Variants in UBE3C observed in about 807,000 individuals in gnomAD.
UBE3C encodes ubiquitin protein ligase E3C, also known as ubiquitin-protein ligase E3C.
UBE3C carries 42 observed loss-of-function variants against 129.4 expected under a neutral mutation model. The ratio of observed to expected loss-of-function variants is 0.32; its 90% CI spans 0.25 to 0.42. The LOEUF is 0.42. UBE3C is among the 10% of genes least tolerant of loss of function. The pLI is 1.00. For synonymous variants in UBE3C, 510 were observed against 492.4 expected, an observed-to-expected ratio of 1.04 and a Z score of -0.47; for missense variants, 1,049 against 1,319.1, an observed-to-expected ratio of 0.80 and a Z score of 3.17.
At chr7:157,236,833 G>A (rs1229235427) in intron 18 of UBE3C, among the ~76,000 whole-genome samples, 1 of 151,916 alleles carries the variant, frequency 6.6e-6, no homozygotes, top group African/African-American at 2.4e-5. Flanking sequence ...CCGGGTTCAA[G>A]CGATTCTCCT....
chr7:157,202,955 A>G (rs1164890712), intron 11 of UBE3C, among the ~76,000 whole-genome samples: 1 of 152,264 alleles, frequency 6.6e-6, no homozygotes, highest in Admixed American at 6.5e-5. Flanking sequence ...TATCTAAAAT[A>G]TAAACACACT....
At chr7:157,143,258 G>GTAT (rs1042979346) in intron 1 of UBE3C, among the ~76,000 whole-genome samples, 1 of 152,046 alleles carries the variant, frequency 6.6e-6, no homozygotes, top group Non-Finnish European at 1.5e-5. Context: ...TTAATTGGGG[G>GTAT]TATGTTTTTC....
intron 16 of UBE3C, among the ~76,000 whole-genome samples, chr7:157,224,368 G>C (rs965993870): frequency 4.0e-5 from 6 of 151,798 alleles, no homozygotes; most frequent in African/African-American, 1.2e-4. Context: ...CTAATTTTTT[G>C]TATTTTCAGT....
At chr7:157,226,339 G>T (rs1055836097) in intron 17 of UBE3C, among the ~76,000 whole-genome samples, 1 of 152,080 alleles carries the variant, frequency 6.6e-6, no homozygotes, top group Non-Finnish European at 1.5e-5. Flanking sequence ...ACGTTTCGTC[G>T]TATGTTCATA....
chr7:157,208,128 G>T (rs1437835988), intron 13 of UBE3C, among the ~76,000 whole-genome samples, 193 bp downstream of exon 13: 2 of 126,476 alleles, frequency 1.6e-5, no homozygotes, highest in Non-Finnish European at 3.2e-5. Flanking sequence ...AGGCTGGAGT[G>T]CAATGACACC....
rs1027955238 is a variant in UBE3C, at chr7:157,192,551, A to G, written c.1331+5530A>G. 4 of 764,936 alleles carry G rather than the reference A, an allele frequency of 5.2e-6. No individual in the cohort carries two copies. In the African/African-American group the frequency reaches 6.8e-5, roughly 13 times the overall value. The allele number at this position is 764,936 out of a possible 1,614,324, so 47.4% of individuals were successfully genotyped here. ...ATGTACTGTCTGACTACAACATTCA[A>G]AAGGAGCTTACTCTTCATCTTGTGT... is the stretch of plus-strand genomic sequence containing the variant. On this transcript the variant is annotated intron_variant, in intron 10 of 22. Coordinates refer to ENST00000348165, the MANE Select transcript of UBE3C (RefSeq NM_014671.3).
At chr7:157,179,662 G>A (rs1212521467) in intron 6 of UBE3C, among the ~76,000 whole-genome samples, 1 of 152,156 alleles carries the variant, frequency 6.6e-6, no homozygotes, top group Non-Finnish European at 1.5e-5. Context: ...AGTTGTGAAG[G>A]GAGGTCTGGA....
chr7:157,244,899 C>G (rs932130077), intron 18 of UBE3C, among the ~76,000 whole-genome samples: 1 of 152,128 alleles, frequency 6.6e-6, no homozygotes, highest in African/African-American at 2.4e-5. Context: ...CTTCTAGGAA[C>G]AAGCGTGGTA....
intron 1 of UBE3C, among the ~76,000 whole-genome samples, chr7:157,151,121 C>T (rs767462728): frequency 6.6e-6 from 1 of 152,148 alleles, no homozygotes; most frequent in African/African-American, 2.4e-5. Context: ...TGAGGGGAGT[C>T]GGGCTCCACC....
chr7:157,142,505 A>G (rs779474889), intron 1 of UBE3C, among the ~76,000 whole-genome samples: 1 of 152,150 alleles, frequency 6.6e-6, no homozygotes, highest in African/African-American at 2.4e-5. Context: ...AATTGTTTGG[A>G]GCTTAGTCCT....
chr7:157,240,094 G>T (rs10280094), intron 18 of UBE3C, among the ~76,000 whole-genome samples: 25,993 of 151,730 alleles, frequency 0.17, 2,466 homozygotes, highest in East Asian at 0.35. Flanking sequence ...GTTTTTTGGG[G>T]TTTTTTGAGA....
intron 11 of UBE3C, among the ~76,000 whole-genome samples, chr7:157,202,375 G>A (rs770738597): frequency 5.4e-4 from 82 of 152,266 alleles, no homozygotes; most frequent in Non-Finnish European, 9.0e-4. Context: ...AGTCTAAGCC[G>A]GCCGGGCGCG....
chr7:157,161,012 C>T (rs553135342), intron 1 of UBE3C, among the ~76,000 whole-genome samples: 2 of 152,208 alleles, frequency 1.3e-5, no homozygotes, highest in East Asian at 1.9e-4. Flanking sequence ...GCATCCAGGA[C>T]ATGAAAGATG....
intron 5 of UBE3C, 103 bp downstream of exon 5, chr7:157,175,137 CTT>C (rs56852731): frequency 0.039 from 9,634 of 248,540 alleles, no homozygotes; most frequent in Middle Eastern, 0.056. Context: ...CTTTTCCATA[CTT>C]TTTTTTTTTT....
intron 19 of UBE3C, among the ~76,000 whole-genome samples, chr7:157,252,751 G>A (rs1796649747): frequency 6.6e-6 from 1 of 152,230 alleles, no homozygotes; most frequent in African/African-American, 2.4e-5. Flanking sequence ...AAAGCTACCA[G>A]GAAAACTGAA....
chr7:157,261,796 A>G (rs1005203978), intron 22 of UBE3C, among the ~76,000 whole-genome samples: 7 of 152,240 alleles, frequency 4.6e-5, no homozygotes, highest in African/African-American at 1.4e-4. Context: ...CAGACAAAAA[A>G]TCATTAAAGT....
In UBE3C at chr7:157,139,156, G is replaced by T. The variant is rs1376808433; in HGVS notation, c.-117G>T. On this transcript the variant is annotated 5_prime_UTR_variant, in exon 1 of 23. Coordinates refer to ENST00000348165, the MANE Select transcript of UBE3C (RefSeq NM_014671.3). ...GCTCGGGTCGCCTCCCGGCCGCCGC[G>T]TCCTCGCTGCCCCGGGCCGGGCGGG... 2 of 667,210 alleles carry T rather than the reference G, an allele frequency of 3.0e-6. No homozygotes were observed. Among genetic ancestry groups the T allele is most frequent in the Non-Finnish European group, 3.8e-6 (2 of 533,164 alleles). The allele number at this position is 667,210 out of a possible 1,614,324, so 41.3% of individuals were successfully genotyped here. A position where few individuals can be genotyped will look rare whatever the true frequency, so the allele number is the denominator to read the frequency against.
At chr7:157,189,853 T>G (rs1053554930) in intron 10 of UBE3C, among the ~76,000 whole-genome samples, 13 of 152,208 alleles carry the variant, frequency 8.5e-5, no homozygotes, top group African/African-American at 1.2e-4. Context: ...CAGGCTGGAG[T>G]GCAGTGGTGT....
chr7:157,204,398 C>CTAAAAAAAAA (rs1809374509), intron 11 of UBE3C, among the ~76,000 whole-genome samples: 1 of 86,362 alleles, frequency 1.2e-5, no homozygotes, highest in Admixed American at 1.3e-4. Flanking sequence ...AACTTTGTTT[C>CTAAAAAAAAA]AAAAAAAAAA....
Sources: allele counts gnomAD v4.1 joint callset (sites outside exome capture counted in the v4.1 genomes callset), GRCh38; gene constraint gnomAD v4.1.1; transcripts MANE v1.5; gene names NCBI Gene and HGNC (gene_info 2026-07-23, HGNC 2026-07-21).